The following HIVEP1 variants were observed in gnomAD, a reference collection of about 807,000 sequenced individuals.
The protein encoded by HIVEP1 is zinc finger protein 40.
HIVEP1 carries 36 observed loss-of-function variants against 180.0 expected under a neutral mutation model. The observed-to-expected ratio is 0.20, with a 90% CI of 0.15 to 0.26. The LOEUF (loss-of-function observed/expected upper bound fraction) is 0.26. Ranked by LOEUF, HIVEP1 falls within the 10% of genes least tolerant of loss-of-function variation. The probability of loss-of-function intolerance (pLI) is 1.00; values close to 1 mark genes in which losing one functional copy is unlikely to be tolerated. For synonymous variants in HIVEP1, 1,239 were observed against 1,239.0 expected, an observed-to-expected ratio of 1.00 and a Z score of 0.00; for missense variants, 3,143 against 3,268.7, an observed-to-expected ratio of 0.96 and a Z score of 0.94.
chr6:12,067,052 G>A (rs931577928), intron 2 of HIVEP1, among the ~76,000 whole-genome samples: 2 of 152,040 alleles, frequency 1.3e-5, no homozygotes, highest in African/African-American at 4.8e-5. Context: ...CAGCAGATTT[G>A]GTGGTACATT....
upstream of HIVEP1, among the ~76,000 whole-genome samples, chr6:12,011,259 C>T (rs1489090908): frequency 6.0e-5 from 9 of 149,258 alleles, no homozygotes; most frequent in Non-Finnish European, 1.5e-5. Flanking sequence ...GCTGAGGAAA[C>T]CCCCTTGGGG....
chr6:12,049,054 G>A (rs1315357048), intron 2 of HIVEP1, among the ~76,000 whole-genome samples: 1 of 152,136 alleles, frequency 6.6e-6, no homozygotes, highest in Non-Finnish European at 1.5e-5. Flanking sequence ...AATAAAAGAG[G>A]TGAGAATACA....
intron 7 of HIVEP1, among the ~76,000 whole-genome samples, chr6:12,161,037 A>G (rs770724548): frequency 6.6e-5 from 10 of 152,256 alleles, no homozygotes; most frequent in Non-Finnish European, 1.0e-4. Flanking sequence ...AAAGGAAGAT[A>G]CAAAATAGGG....
At chr6:12,129,168 C>CT (rs1298815060) in intron 4 of HIVEP1, among the ~76,000 whole-genome samples, 2 of 152,182 alleles carry the variant, frequency 1.3e-5, no homozygotes, top group East Asian at 3.9e-4. Flanking sequence ...TATGATTGTA[C>CT]TACTGCACTC....
chr6:12,075,251 C>T (rs1772273277), intron 2 of HIVEP1, among the ~76,000 whole-genome samples: 2 of 152,196 alleles, frequency 1.3e-5, no homozygotes. Flanking sequence ...TTTTCAGATT[C>T]TTAAAGGGGA....
At position 12,047,309 on chromosome 6, in the gene HIVEP1, A is replaced by G. The variant is rs1403658862; in HGVS notation, c.40+31641A>G. On this transcript the variant is annotated intron_variant, in intron 2 of 8. Coordinates refer to ENST00000379388, the MANE Select transcript of HIVEP1 (RefSeq NM_002114.4). ...CTAGTGTCAAGTGTAGCCCTTGTAC[A>G]GTGATGTACATGAGCATTAAAAGAC... is the stretch of plus-strand genomic sequence containing the variant. Among the ~76,000 whole-genome samples, 5 of 152,386 alleles carry G rather than the reference A, an allele frequency of 3.3e-5. No homozygotes were observed. In the East Asian group the frequency reaches 9.6e-4, roughly 29 times the overall value.
At chr6:12,101,495 T>C (rs1561939760) in intron 3 of HIVEP1, among the ~76,000 whole-genome samples, 1 of 151,956 alleles carries the variant, frequency 6.6e-6, no homozygotes, top group Non-Finnish European at 1.5e-5. Context: ...TGGAATTAAG[T>C]TAATATAAAC....
At chr6:12,074,075 C>T (rs1272042712) in intron 2 of HIVEP1, among the ~76,000 whole-genome samples, 2 of 152,190 alleles carry the variant, frequency 1.3e-5, no homozygotes, top group African/African-American at 4.8e-5. Flanking sequence ...GCATTGTTTA[C>T]TGTATGTTAT....
At chr6:12,017,884 C>T (rs1240639992) in intron 2 of HIVEP1, among the ~76,000 whole-genome samples, 1 of 152,260 alleles carries the variant, frequency 6.6e-6, no homozygotes, top group Non-Finnish European at 1.5e-5. Flanking sequence ...GGATCCCGCA[C>T]TGGGGCCACA....
At chr6:12,085,126 C>G (rs1773034618) in intron 2 of HIVEP1, among the ~76,000 whole-genome samples, 1 of 152,242 alleles carries the variant, frequency 6.6e-6, no homozygotes, top group African/African-American at 2.4e-5. Context: ...GTAAACCACT[C>G]AGCTCCATCT....
Position 12,163,857 on chromosome 6 carries a change from A to ATGCTGT in HIVEP1, c.7554_7559dup (p.Ala2519_Val2520dup). The ATGCTGT allele has an allele frequency of 1.9e-6, 3 of 1,614,204 alleles. No homozygotes were observed. Among genetic ancestry groups the ATGCTGT allele is most frequent in the Non-Finnish European group, 2.5e-6 (3 of 1,180,034 alleles). On this transcript the variant is annotated inframe_insertion, in exon 9 of 9. Coordinates refer to ENST00000379388, the MANE Select transcript of HIVEP1 (RefSeq NM_002114.4). ...GTCCATCCACCAGGACTGGCTCTGAATGCTGTCGGACTGCAGGTTCTGACT... is the reference window on the plus strand; with the variant it reads ...GTCCATCCACCAGGACTGGCTCTGAATGCTGTTGCTGTCGGACTGCAGGTTCTGACT...
Position 12,164,818 on chromosome 6 carries a change from A to G in HIVEP1, c.*357A>G, listed in dbSNP as rs1250554837. ...AATTATATGTTCCACTGTTGAATATAAATTTTATGGCTATGGGGCAGAGTT... is the reference window on the plus strand; with the variant it reads ...AATTATATGTTCCACTGTTGAATATGAATTTTATGGCTATGGGGCAGAGTT... On this transcript the variant is annotated 3_prime_UTR_variant, in exon 9 of 9. Transcript: ENST00000379388. 5.6e-6 allele frequency: 1 copy of G among 178,826 alleles called. No homozygotes were observed. Among genetic ancestry groups the G allele is most frequent in the Non-Finnish European group, 1.2e-5 (1 of 84,346 alleles). 11.1% of individuals were successfully genotyped at this position (178,826 alleles called of 1,614,324 possible). A position where few individuals can be genotyped will look rare whatever the true frequency, so the allele number is the denominator to read the frequency against.
chr6:12,141,027 A>T (rs1398233543), intron 7 of HIVEP1, among the ~76,000 whole-genome samples: 1 of 152,198 alleles, frequency 6.6e-6, no homozygotes, highest in Non-Finnish European at 1.5e-5. Flanking sequence ...AACACCACAA[A>T]GATACTCCTT....
intron 2 of HIVEP1, among the ~76,000 whole-genome samples, chr6:12,033,859 T>C (rs903114964): frequency 2.0e-5 from 3 of 152,212 alleles, no homozygotes; most frequent in African/African-American, 7.2e-5. Context: ...TCCTCAAGAG[T>C]AATTCTTAAA....
At chr6:12,104,670 A>C (rs1192478158) in intron 3 of HIVEP1, among the ~76,000 whole-genome samples, 1 of 151,946 alleles carries the variant, frequency 6.6e-6, no homozygotes, top group Non-Finnish European at 1.5e-5. Context: ...GGCCTCAAGC[A>C]ATCTTCCTGC....
the HIVEP1 span, among the ~76,000 whole-genome samples, chr6:12,186,328 A>G: frequency 6.6e-6 from 1 of 151,436 alleles, no homozygotes; most frequent in African/African-American, 2.4e-5. Context: ...TAAGTGAAAG[A>G]AGCCAGACAC....
chr6:12,143,308 A>G (rs890415747), intron 7 of HIVEP1, among the ~76,000 whole-genome samples: 1 of 152,262 alleles, frequency 6.6e-6, no homozygotes, highest in Non-Finnish European at 1.5e-5. Flanking sequence ...CAATAGATGC[A>G]GAAAAGGCTT....
intron 2 of HIVEP1, among the ~76,000 whole-genome samples, chr6:12,078,652 T>C (rs553486675): frequency 8.4e-5 from 11 of 131,526 alleles, no homozygotes; most frequent in African/African-American, 2.3e-4. Context: ...CACACACACA[T>C]ACATATATAT....
chr6:12,135,620 A>G (rs1037697464), intron 6 of HIVEP1, among the ~76,000 whole-genome samples, 171 bp from the exon 7 acceptor site: 10 of 152,252 alleles, frequency 6.6e-5, no homozygotes, highest in Non-Finnish European at 1.0e-4. Flanking sequence ...ATAAATAACA[A>G]GGTATTAGAA....
Sources: allele counts gnomAD v4.1 joint callset (sites outside exome capture counted in the v4.1 genomes callset), GRCh38; gene constraint gnomAD v4.1.1; transcripts MANE v1.5; gene names NCBI Gene and HGNC (gene_info 2026-07-23, HGNC 2026-07-21).